The following RIC1 variants were observed in gnomAD, a reference collection of about 807,000 sequenced individuals.
RIC1 encodes the protein RIC1 partner of RAB6A GEF complex.
In RIC1, 88 loss-of-function variants were observed where a neutral mutation model predicts 169.0. The observed-to-expected ratio is 0.52, with a 90% CI of 0.44 to 0.62. The LOEUF (loss-of-function observed/expected upper bound fraction) is 0.62. Among genes scored for constraint, RIC1 ranks in the 20% least tolerant of loss-of-function variants. The pLI, the probability that RIC1 is intolerant of heterozygous loss-of-function variation, is 0.00. For synonymous variants in RIC1, 790 were observed against 601.5 expected (o/e 1.31, Z -4.59); for missense variants, 1,877 against 1,725.5 (o/e 1.09, Z -1.56).
intron 17 of RIC1, 58 bp downstream of exon 17, chr9:5,757,509 TC>T: frequency 6.4e-7 from 1 of 1,569,114 alleles, no homozygotes. Flanking sequence ...AGTATTTGAG[TC>T]CATATTAGGA....
chr9:5,667,569 A>ATCATAGC (rs1379717673), intron 2 of RIC1, among the ~76,000 whole-genome samples: 1 of 145,816 alleles, frequency 6.9e-6, no homozygotes, highest in East Asian at 2.0e-4. Context: ...CAGTGGCATG[A>ATCATAGC]TCATAGCTCA....
intron 4 of RIC1, among the ~76,000 whole-genome samples, chr9:5,718,424 A>G (rs1823398020): frequency 6.6e-6 from 1 of 152,176 alleles, no homozygotes; most frequent in Non-Finnish European, 1.5e-5. Context: ...TGAAGAGGGA[A>G]GGGGTCTTCC....
Position 5,685,177 on chromosome 9 carries a change from A to G in RIC1, c.253-4782A>G, listed in dbSNP as rs896779845. 2.1e-4 allele frequency among the ~76,000 whole-genome samples: 31 copies of G among 150,996 alleles called. No individual in the cohort carries two copies. The South Asian group carries it at 4.0e-3, about 20-fold the overall frequency. On this transcript the variant is annotated intron_variant, in intron 2 of 25. Transcript: ENST00000414202. ...CCATGCTCATGGGTAGGAAGAATCA[A>G]TATCGTGAAAATGGCCATACTGCCC...
At chr9:5,722,706 C>G (rs995435682) in intron 6 of RIC1, among the ~76,000 whole-genome samples, 3 of 152,128 alleles carry the variant, frequency 2.0e-5, no homozygotes, top group African/African-American at 4.8e-5. Flanking sequence ...TCCCTCCCCC[C>G]CTCGCCCCAC....
intron 1 of RIC1, among the ~76,000 whole-genome samples, chr9:5,641,469 C>A (rs1347807424): frequency 6.6e-6 from 1 of 152,112 alleles, no homozygotes; most frequent in Admixed American, 6.6e-5. Context: ...ATATCTTTCT[C>A]TAGGTTTGGG....
chr9:5,765,895 T>C, intron 21 of RIC1, 97 bp downstream of exon 21: 1 of 1,417,072 alleles, frequency 7.1e-7, no homozygotes. Flanking sequence ...AACAACTATT[T>C]AATCCAATTG....
At chr9:5,705,144 G>A (rs1239664315) in intron 3 of RIC1, among the ~76,000 whole-genome samples, 1 of 149,938 alleles carries the variant, frequency 6.7e-6, no homozygotes, top group African/African-American at 2.5e-5. Context: ...GGCTCTTCGG[G>A]GTTCCTTGCC....
At chr9:5,674,451 A>G (rs1466551413) in intron 2 of RIC1, among the ~76,000 whole-genome samples, 3 of 152,186 alleles carry the variant, frequency 2.0e-5, no homozygotes, top group East Asian at 1.9e-4. Context: ...TTATCTTAAC[A>G]TCTCCACAAA....
chr9:5,690,565 CT>C (rs5896126), intron 3 of RIC1, among the ~76,000 whole-genome samples: 326 of 144,150 alleles, frequency 2.3e-3, no homozygotes, highest in African/African-American at 3.5e-3. Flanking sequence ...AGCATTCCAT[CT>C]TTTTTTTTTT....
Position 5,714,923 on chromosome 9 carries a change from C to G in RIC1, c.440+920C>G, listed in dbSNP as rs142417879. On this transcript the variant is annotated intron_variant, in intron 4 of 25. Coordinates refer to ENST00000414202, the MANE Select transcript of RIC1 (RefSeq NM_020829.4). Reference sequence around the variant, plus strand: ...ATGTCATGCTACTTTTAAAAAAATCCCTCTGACTCACAGTTCTAAGTAAAG... The same window carrying G: ...ATGTCATGCTACTTTTAAAAAAATCGCTCTGACTCACAGTTCTAAGTAAAG... Among the ~76,000 whole-genome samples the G allele has an allele frequency of 2.5e-3, 381 of 152,138 alleles. 1 individual carries two copies. Among genetic ancestry groups the G allele is most frequent in the African/African-American group, 8.8e-3 (364 of 41,500 alleles).
At chr9:5,704,466 C>T (rs1302254450) in intron 3 of RIC1, among the ~76,000 whole-genome samples, 2 of 152,074 alleles carry the variant, frequency 1.3e-5, no homozygotes, top group African/African-American at 4.8e-5. Flanking sequence ...CCTGTCTTGG[C>T]CCCCCAAAGT....
chr9:5,745,810 C>A, intron 10 of RIC1, 121 bp from the exon 11 acceptor site: 1 of 820,990 alleles, frequency 1.2e-6, no homozygotes, highest in Non-Finnish European at 1.9e-6. Context: ...TTTCTCCAAC[C>A]TTCACAAATC....
chr9:5,647,185 T>G (rs1818559927), intron 1 of RIC1, among the ~76,000 whole-genome samples: 2 of 152,210 alleles, frequency 1.3e-5, no homozygotes, highest in South Asian at 4.1e-4. Context: ...TGTATCCTTG[T>G]GCCAGTACGA....
intron 8 of RIC1, among the ~76,000 whole-genome samples, chr9:5,739,667 C>G (rs1267784228): frequency 1.3e-5 from 2 of 152,130 alleles, no homozygotes; most frequent in Non-Finnish European, 2.9e-5. Flanking sequence ...TCAGGCAGCA[C>G]AGGGTTTATA....
At chr9:5,754,201 C>G (rs766472971) in intron 14 of RIC1, among the ~76,000 whole-genome samples, 1 of 151,234 alleles carries the variant, frequency 6.6e-6, no homozygotes, top group Non-Finnish European at 1.5e-5. Flanking sequence ...TTGATGTAAA[C>G]ACACACACAC....
At chr9:5,772,312 T>C (rs1827277835) in intron 23 of RIC1, among the ~76,000 whole-genome samples, 1 of 152,204 alleles carries the variant, frequency 6.6e-6, no homozygotes, top group Non-Finnish European at 1.5e-5. Flanking sequence ...CTAGATTTTA[T>C]TGAGGGAGTT....
intron 3 of RIC1, among the ~76,000 whole-genome samples, chr9:5,710,713 A>G (rs1474733699): frequency 6.6e-6 from 1 of 152,210 alleles, no homozygotes; most frequent in Non-Finnish European, 1.5e-5. Context: ...GTTTGAGGAA[A>G]TAATTAACAA....
chr9:5,712,762 C>G lies in RIC1; in HGVS notation c.333-1134C>G, dbSNP rs1274132814. On this transcript the variant is annotated intron_variant, in intron 3 of 25. Transcript: ENST00000414202. ...TGTGTTCAGCAGTTTAAATGTGACT[C>G]CTATAAACTAATTACTTTCATGTCC... The G allele has an allele frequency of 2.0e-5, 3 of 152,150 alleles. No individual in the cohort carries two copies. In the South Asian group the frequency reaches 6.2e-4, roughly 32 times the overall value. 9.4% of individuals were successfully genotyped at this position (152,150 alleles called of 1,614,324 possible).
intron 1 of RIC1, among the ~76,000 whole-genome samples, chr9:5,629,977 C>T (rs974077399): frequency 1.3e-5 from 2 of 152,210 alleles, no homozygotes; most frequent in Non-Finnish European, 2.9e-5. Context: ...CACTAAAGGT[C>T]TGGTTATTTA....
Sources: gnomAD v4.1 joint callset for allele counts (sites outside exome capture counted in the v4.1 genomes callset) on GRCh38, gnomAD v4.1.1 for gene constraint, MANE v1.5 for transcripts, NCBI Gene and HGNC (gene_info 2026-07-23, HGNC 2026-07-21) for gene names.